The following LRRC9 variants were observed in gnomAD, a reference collection of about 807,000 sequenced individuals.
LRRC9 encodes leucine rich repeat containing 9.
In LRRC9, 122 loss-of-function variants were observed where a neutral mutation model predicts 63.2. The ratio of observed to expected loss-of-function variants is 1.93; its 90% CI spans 1.67 to 2.24. The LOEUF (loss-of-function observed/expected upper bound fraction) is 2.24. Ranked by LOEUF, LRRC9 falls within the 30% of genes most tolerant of loss-of-function variation. The probability of loss-of-function intolerance (pLI) is 0.00; values close to 1 mark genes in which losing one functional copy is unlikely to be tolerated. For synonymous variants in LRRC9, 366 were observed against 213.1 expected (o/e 1.72, Z -6.25); for missense variants, 1,071 against 627.7 (o/e 1.71, Z -7.55).
Position 60,031,053 on chromosome 14 carries a change from T to C in LRRC9, c.3922-942T>C, listed in dbSNP as rs1343283836. ...TTGTGTTCGGTTTAATTTGAGAAAATAATGTAAGACTTTTCGCATGTCCAT... is the reference window on the plus strand; with the variant it reads ...TTGTGTTCGGTTTAATTTGAGAAAACAATGTAAGACTTTTCGCATGTCCAT... On this transcript the variant is annotated intron_variant, in intron 28 of 31. Transcript: ENST00000445360. The surrounding 1 kb of genome is among the most constrained non-coding windows in gnomAD (Gnocchi z 4.6). 6.6e-6 allele frequency among the ~76,000 whole-genome samples: 1 copy of C among 152,088 alleles called. No homozygotes were observed. Among genetic ancestry groups the C allele is most frequent in the Non-Finnish European group, 1.5e-5 (1 of 67,972 alleles).
chr14:60,053,994 G>A lies in LRRC9; in HGVS notation c.4131+789G>A, dbSNP rs905262225. ...AGATGTTATGAAGACCTGGACCACG[G>A]TAGAGAATATAAATGAATCTTTGAT... On this transcript the variant is annotated intron_variant, in intron 30 of 31. Coordinates refer to ENST00000445360, the Ensembl canonical transcript of LRRC9. This position sits in a 1 kb window ranked among gnomAD's most constrained non-coding sequence, Gnocchi z 4.8. 9.2e-6 allele frequency: 4 copies of A among 432,790 alleles called. No homozygotes were observed. Among genetic ancestry groups the A allele is most frequent in the African/African-American group, 6.2e-5 (3 of 48,268 alleles). 26.8% of individuals were successfully genotyped at this position (432,790 alleles called of 1,614,324 possible).
rs984722472 is a variant in LRRC9, at chr14:60,023,029, A to G, written c.3703+159A>G. 4.8e-4 allele frequency among the ~76,000 whole-genome samples: 73 copies of G among 152,108 alleles called. 1 individual carries two copies. The highest frequency in any genetic ancestry group is 1.9e-4 in the Non-Finnish European group (13 of 67,952). On this transcript the variant is annotated intron_variant, in intron 27 of 31. Coordinates refer to ENST00000445360, the Ensembl canonical transcript of LRRC9. ...AAATTGATTTTTCTTGGTTACTTAC[A>G]TTTTTTAGAAACCATTTTTAAAGGT...
intron 23 of LRRC9, among the ~76,000 whole-genome samples, chr14:60,010,443 C>T (rs1486769586): frequency 8.5e-6 from 1 of 117,208 alleles, no homozygotes; most frequent in African/African-American, 2.7e-5. Flanking sequence ...AGTATGGGGG[C>T]CCTGGACCAC....
downstream of LRRC9, among the ~76,000 whole-genome samples, chr14:60,065,385 C>T (rs562164326): frequency 9.9e-5 from 15 of 151,726 alleles, no homozygotes; most frequent in South Asian, 3.1e-3. Flanking sequence ...CAGTGGTTCA[C>T]GCCTGTAATC....
At chr14:59,997,508 G>A in intron 17 of LRRC9, 148 bp from the exon 18 acceptor site, 1 of 487,280 alleles carries the variant, frequency 2.1e-6, no homozygotes, top group Non-Finnish European at 3.6e-6. Context: ...TGCATATGTT[G>A]ATACCATCAT....
intron 17 of LRRC9, among the ~76,000 whole-genome samples, chr14:59,993,973 T>C (rs1888458459): frequency 6.6e-6 from 1 of 152,128 alleles, no homozygotes; most frequent in Admixed American, 6.5e-5. Context: ...CTAATAGACA[T>C]CTACAGAACT....
At chr14:60,023,586 T>C (rs1020772465) in intron 27 of LRRC9, among the ~76,000 whole-genome samples, 1 of 152,098 alleles carries the variant, frequency 6.6e-6, no homozygotes, top group African/African-American at 2.4e-5. Flanking sequence ...TAAATAATCC[T>C]CATTTCAATA....
At chr14:60,039,614 G>A (rs1175161911) in intron 29 of LRRC9, among the ~76,000 whole-genome samples, 1 of 151,792 alleles carries the variant, frequency 6.6e-6, no homozygotes, top group Non-Finnish European at 1.5e-5. Flanking sequence ...GTGATATCCT[G>A]TTTATCATTT....
downstream of LRRC9, among the ~76,000 whole-genome samples, chr14:60,065,424 G>T (rs2140488207): frequency 6.6e-6 from 1 of 151,140 alleles, no homozygotes; most frequent in South Asian, 2.1e-4. Flanking sequence ...AAGGTGGGCA[G>T]ATCACCTGAG....
intron 29 of LRRC9, among the ~76,000 whole-genome samples, chr14:60,044,546 C>G (rs1034710293): frequency 6.6e-6 from 1 of 152,096 alleles, no homozygotes; most frequent in African/African-American, 2.4e-5. Flanking sequence ...TTCATTGACC[C>G]ACTGGTCATT....
intron 6 of LRRC9, among the ~76,000 whole-genome samples, chr14:59,935,772 G>A (rs1195261999): frequency 6.6e-6 from 1 of 152,214 alleles, no homozygotes; most frequent in East Asian, 1.9e-4. Context: ...AAAAGTTAGA[G>A]CATGTGTGGA....
Position 59,922,017 on chromosome 14 carries a change from G to A in LRRC9, c.-34+2134G>A, listed in dbSNP as rs567431228. Among the ~76,000 whole-genome samples the A allele has an allele frequency of 2.0e-5, 3 of 152,096 alleles. No homozygotes were observed. Among genetic ancestry groups the A allele is most frequent in the African/African-American group, 7.2e-5 (3 of 41,518 alleles). On this transcript the variant is annotated intron_variant, in intron 1 of 31. Coordinates refer to ENST00000445360, the Ensembl canonical transcript of LRRC9. This position sits in a 1 kb window ranked among gnomAD's most constrained non-coding sequence, Gnocchi z 5.3. Reference sequence around the variant, plus strand: ...AAGAATTACTTGAACCTGGGAGGCAGAGGTTGGAGTGAGCCCAGATTGTGC... The same window carrying A: ...AAGAATTACTTGAACCTGGGAGGCAAAGGTTGGAGTGAGCCCAGATTGTGC...
chr14:60,062,343 C>T lies in LRRC9; in HGVS notation c.4277-980C>T, dbSNP rs760485722. On this transcript the variant is annotated intron_variant, in intron 31 of 31. Transcript: ENST00000445360. ...ATAGCATAAGACTTCTTAATTCCCA[C>T]GTTCACCAAACCTTTCCCAAAGTCC... Among the ~76,000 whole-genome samples the T allele has an allele frequency of 7.9e-5, 12 of 152,302 alleles. No homozygotes were observed. In the East Asian group the frequency reaches 1.5e-3, roughly 20 times the overall value.
At chr14:59,956,808 T>G (rs1883803701) in intron 8 of LRRC9, among the ~76,000 whole-genome samples, 1 of 151,510 alleles carries the variant, frequency 6.6e-6, no homozygotes, top group South Asian at 2.1e-4. Context: ...GTGCTTCCTC[T>G]TGTAAGGCAG....
At chr14:59,940,533 G>A (rs781273641) in intron 7 of LRRC9, among the ~76,000 whole-genome samples, 6 of 152,070 alleles carry the variant, frequency 3.9e-5, no homozygotes, top group Non-Finnish European at 8.8e-5. Context: ...ACAGAGGGAA[G>A]AACATATGGA....
At chr14:59,944,277 C>T (rs921444793) in intron 7 of LRRC9, among the ~76,000 whole-genome samples, 1 of 151,804 alleles carries the variant, frequency 6.6e-6, no homozygotes, top group African/African-American at 2.4e-5. Context: ...ATTGTACTAC[C>T]TCATTACCTA....
In LRRC9 at chr14:59,930,007, C is replaced by T. The variant is rs563654868; in HGVS notation, c.268-911C>T. Among the ~76,000 whole-genome samples, 3 of 152,106 alleles carry T rather than the reference C, an allele frequency of 2.0e-5. No homozygotes were observed. The South Asian group carries it at 6.2e-4, about 32-fold the overall frequency. ...GTGGGTGATAAAGTAATCTGTACAA[C>T]AAACCCCCATGACAGAAATTTACCT... On this transcript the variant is annotated intron_variant, in intron 3 of 31. Transcript: ENST00000445360. The surrounding 1 kb of genome is among the most constrained non-coding windows in gnomAD (Gnocchi z 4.9).
chr14:60,062,594 T>G (rs937299119), intron 31 of LRRC9, among the ~76,000 whole-genome samples: 5 of 152,242 alleles, frequency 3.3e-5, no homozygotes, highest in Non-Finnish European at 5.9e-5. Context: ...GCTAAGAATT[T>G]TGTAAATTCT....
At chr14:60,005,182 T>C (rs2140223812) in intron 21 of LRRC9, among the ~76,000 whole-genome samples, 1 of 152,216 alleles carries the variant, frequency 6.6e-6, no homozygotes, top group Middle Eastern at 3.4e-3. Context: ...CTGTTAACAA[T>C]ATGTTTCTAA....
Sources: gnomAD v4.1 joint callset for allele counts (sites outside exome capture counted in the v4.1 genomes callset) on GRCh38, gnomAD v4.1.1 for gene constraint, Gnocchi (gnomAD v3.1) non-coding constraint, MANE v1.5 for transcripts, NCBI Gene and HGNC (gene_info 2026-07-23, HGNC 2026-07-21) for gene names.